The following CNTN1 variants were observed in gnomAD, a reference collection of about 807,000 sequenced individuals.
CNTN1 encodes the protein contactin-1.
In CNTN1, 38 loss-of-function variants were observed where a neutral mutation model predicts 126.4. That is an observed-to-expected ratio of 0.30 (90% CI 0.23 to 0.39). The LOEUF is 0.39. Ranked by LOEUF, CNTN1 falls within the 10% of genes least tolerant of loss-of-function variation. The pLI is 1.00. For missense variants in CNTN1, 1,009 were observed against 1,248.4 expected, an observed-to-expected ratio of 0.81 and a Z score of 2.89; for synonymous variants, 413 against 422.6, an observed-to-expected ratio of 0.98 and a Z score of 0.28.
intron 9 of CNTN1, 135 bp downstream of exon 9, chr12:40,934,013 A>T: frequency 4.1e-6 from 3 of 728,170 alleles, no homozygotes; most frequent in Non-Finnish European, 6.9e-6. Context: ...GAGAAAGATA[A>T]AATATTTCTC....
chr12:41,033,381 C>G (rs1219580767), intron 23 of CNTN1, among the ~76,000 whole-genome samples: 1 of 152,092 alleles, frequency 6.6e-6, no homozygotes, highest in Non-Finnish European at 1.5e-5. Flanking sequence ...ATTTGGATTA[C>G]TACATATTTT....
intron 7 of CNTN1, among the ~76,000 whole-genome samples, chr12:40,930,568 T>C (rs11179084): frequency 0.13 from 20,507 of 151,968 alleles, 1,459 homozygotes; most frequent in African/African-American, 0.17. Flanking sequence ...CAGGCTCCAA[T>C]TGAACTACTT....
chr12:40,935,475 G>A (rs117219934), intron 9 of CNTN1, among the ~76,000 whole-genome samples: 6 of 151,978 alleles, frequency 3.9e-5, no homozygotes, highest in African/African-American at 1.2e-4. Context: ...AGCATACTAA[G>A]TATTATCTTT....
chr12:40,977,909 TCTC>T (rs926643512), intron 15 of CNTN1, among the ~76,000 whole-genome samples: 4 of 152,042 alleles, frequency 2.6e-5, no homozygotes, highest in African/African-American at 9.7e-5. Flanking sequence ...TTCAAGCAAT[TCTC>T]CTGTCTCAGC....
rs533005228 is a variant in CNTN1, at chr12:40,750,644, GAAAATAA to G, written c.-77+58068_-77+58074del. 4.6e-3 allele frequency among the ~76,000 whole-genome samples: 698 copies of G among 151,632 alleles called. 5 individuals are homozygous for G. Among genetic ancestry groups the G allele is most frequent in the African/African-American group, 0.015 (623 of 41,354 alleles). On this transcript the variant is annotated intron_variant, in intron 1 of 23. Transcript: ENST00000551295. Reference sequence around the variant, plus strand: ...ATAGTGAGACCCCCATCTCTATTTTGAAAATAAAAAATAAAAAATAAATTAAAAAGCA... The same window carrying G: ...ATAGTGAGACCCCCATCTCTATTTTGAAAATAAAAAATAAATTAAAAAGCA...
chr12:40,883,813 T>C lies in CNTN1; in HGVS notation c.-76-24544T>C, dbSNP rs149328481. 4.7e-3 allele frequency among the ~76,000 whole-genome samples: 708 copies of C among 151,790 alleles called. 6 individuals carry two copies. The highest frequency in any genetic ancestry group is 0.013 in the African/African-American group (529 of 41,546). On this transcript the variant is annotated intron_variant, in intron 1 of 23. Coordinates refer to ENST00000551295, the MANE Select transcript of CNTN1 (RefSeq NM_001843.4). ...ACCACAACTTCCAGGAATTCTTTTG[T>C]TTTTTAATTGGTGCAAGGATAAAGT...
At chr12:40,717,869 A>G (rs1470832485) in intron 1 of CNTN1, among the ~76,000 whole-genome samples, 1 of 152,238 alleles carries the variant, frequency 6.6e-6, no homozygotes, top group Non-Finnish European at 1.5e-5. Context: ...CTTTAGGTCT[A>G]TATTAATCAG....
intron 23 of CNTN1, among the ~76,000 whole-genome samples, chr12:41,059,515 GT>G (rs1949895389): frequency 6.6e-6 from 1 of 152,178 alleles, no homozygotes; most frequent in Non-Finnish European, 1.5e-5. Context: ...CAGCCAGGAT[GT>G]AGAGGAAATA....
At chr12:40,923,748 G>A (rs1257452139) in intron 5 of CNTN1, among the ~76,000 whole-genome samples, 2 of 152,104 alleles carry the variant, frequency 1.3e-5, no homozygotes, top group East Asian at 3.9e-4. Flanking sequence ...GATAGGGATG[G>A]CATTCAAGTA....
At chr12:41,057,949 G>C (rs1012988102) in intron 23 of CNTN1, among the ~76,000 whole-genome samples, 1 of 151,998 alleles carries the variant, frequency 6.6e-6, no homozygotes, top group Non-Finnish European at 1.5e-5. Flanking sequence ...AAAGCACTTT[G>C]CAAATGACGG....
chr12:41,045,115 A>C (rs1183422371), intron 23 of CNTN1, among the ~76,000 whole-genome samples: 2 of 152,052 alleles, frequency 1.3e-5, no homozygotes, highest in African/African-American at 4.8e-5. Context: ...TATTCTTTAC[A>C]CTCAAGTGGA....
chr12:40,785,105 G>T (rs909682817), intron 1 of CNTN1, among the ~76,000 whole-genome samples: 73 of 152,114 alleles, frequency 4.8e-4, no homozygotes, highest in African/African-American at 1.7e-3. Context: ...GACTTACAAA[G>T]ATTTCAGATA....
chr12:41,070,388 G>T lies in CNTN1; in HGVS notation c.*353G>T, dbSNP rs1950136766. On this transcript the variant is annotated 3_prime_UTR_variant, in exon 24 of 24. Transcript: ENST00000551295. ...AGTGAAAGTCAAATCACCATATACA[G>T]GTGCTTTAAATTTAATAACAAGTTG... The T allele has an allele frequency of 6.1e-6, 2 of 326,460 alleles. No homozygotes were observed. The highest frequency in any genetic ancestry group is 1.2e-5 in the Non-Finnish European group (2 of 170,464). 20.2% of individuals were successfully genotyped at this position (326,460 alleles called of 1,614,324 possible). A position where few individuals can be genotyped will look rare whatever the true frequency, so the allele number is the denominator to read the frequency against.
chr12:40,902,459 A>G (rs765425135), intron 1 of CNTN1, among the ~76,000 whole-genome samples: 1 of 152,198 alleles, frequency 6.6e-6, no homozygotes, highest in Non-Finnish European at 1.5e-5. Flanking sequence ...TTTGTAGTGA[A>G]TGTTGTTCAA....
At position 40,981,038 on chromosome 12, in the gene CNTN1, T is replaced by G; in HGVS notation, c.1934T>G (p.Leu645Arg). 6.2e-7 allele frequency: 1 copy of G among 1,613,328 alleles called. No individual in the cohort carries two copies. The highest frequency in any genetic ancestry group is 8.5e-7 in the Non-Finnish European group (1 of 1,179,802). Residue 645 changes from leucine (L) to arginine (R), a missense_variant, in exon 16 of 24, where the codon CTT becomes CGT. Leu to Arg is a moderately radical substitution (Grantham distance 102, BLOSUM62 -2). Transcript: ENST00000551295. ...SKYTIQTKTI[L>R]SDDWKDAKTD... ...TACACTATCCAGACCAAGACTATTC[T>G]TTCAGATGACTGGAAAGATGCAAAG... is the stretch of plus-strand genomic sequence containing the variant.
At chr12:40,699,707 G>A (rs144352127) in intron 1 of CNTN1, among the ~76,000 whole-genome samples, 362 of 151,824 alleles carry the variant, frequency 2.4e-3, no homozygotes, top group African/African-American at 8.1e-3. Context: ...TTGATCCTTC[G>A]TAACAGTTTT....
rs1743752092 is a variant in CNTN1 at position 41,027,961 on chromosome 12, G to A, written c.2815G>A (p.Gly939Arg). The change falls in exon 22 of 24, where the codon GGA (glycine) becomes AGA (arginine). Residue 939 changes from glycine (G) to arginine (R), a missense_variant. By Grantham distance (125) the Gly-to-Arg change is moderately radical. Transcript: ENST00000551295. ...ACTATCAAATGAATCTACAGTGACG[G>A]GATATAAGGTATATACAAATAGTGA... ...VALSNESTVT[G>R]YKVLYRPDGQ... The A allele has an allele frequency of 1.9e-6, 3 of 1,587,198 alleles. No individual in the cohort carries two copies. The highest frequency in any genetic ancestry group is 2.6e-6 in the Non-Finnish European group (3 of 1,155,624).
At chr12:40,950,247 G>A (rs1313424608) in intron 14 of CNTN1, among the ~76,000 whole-genome samples, 3 of 151,866 alleles carry the variant, frequency 2.0e-5, no homozygotes, top group Non-Finnish European at 4.4e-5. Context: ...CTTGAGAAAC[G>A]TCCTCAAGAA....
intron 1 of CNTN1, among the ~76,000 whole-genome samples, chr12:40,789,797 G>T (rs1592089255): frequency 6.6e-6 from 1 of 151,952 alleles, no homozygotes; most frequent in East Asian, 1.9e-4. Flanking sequence ...ATATAATGTG[G>T]ACATTTCTCA....
Sources: gnomAD v4.1 joint callset for allele counts (sites outside exome capture counted in the v4.1 genomes callset) on GRCh38, gnomAD v4.1.1 for gene constraint, MANE v1.5 for transcripts, NCBI Gene and HGNC (gene_info 2026-07-23, HGNC 2026-07-21) for gene names.